UNC5C: variants seen among roughly 807,000 people sequenced by gnomAD.
UNC5C encodes the protein netrin receptor UNC5C.
Under a neutral mutation model 99.8 loss-of-function variants are expected in UNC5C, and 47 were observed. The ratio of observed to expected loss-of-function variants is 0.47; its 90% CI spans 0.37 to 0.60. The LOEUF is 0.60. UNC5C is among the 20% of genes least tolerant of loss of function. UNC5C has a pLI of 0.00. For missense variants in UNC5C, 1,062 were observed against 1,165.9 expected, an observed-to-expected ratio of 0.91 and a Z score of 1.30; for synonymous variants, 487 against 452.2, an observed-to-expected ratio of 1.08 and a Z score of -0.98.
chr4:95,239,493 C>T (rs1579257961), intron 7 of UNC5C, among the ~76,000 whole-genome samples: 1 of 152,072 alleles, frequency 6.6e-6, no homozygotes, highest in Admixed American at 6.6e-5. Context: ...TTCTCTGTGC[C>T]AAAACTGAAA....
chr4:95,442,829 C>T (rs899156635), intron 1 of UNC5C, among the ~76,000 whole-genome samples: 2 of 151,910 alleles, frequency 1.3e-5, no homozygotes, highest in African/African-American at 4.8e-5. Flanking sequence ...CACACACACA[C>T]ACACACATAC....
chr4:95,420,243 A>G (rs1032314888), intron 1 of UNC5C, among the ~76,000 whole-genome samples: 1 of 152,194 alleles, frequency 6.6e-6, no homozygotes, highest in Non-Finnish European at 1.5e-5. Flanking sequence ...CCAAGACAGT[A>G]ACTTTAGGTT....
chr4:95,324,169 G>A (rs947543005), intron 2 of UNC5C, among the ~76,000 whole-genome samples: 4 of 152,224 alleles, frequency 2.6e-5, no homozygotes, highest in Non-Finnish European at 4.4e-5. Flanking sequence ...ATGGCAGGAG[G>A]TGTGCAGCAG....
intron 1 of UNC5C, among the ~76,000 whole-genome samples, chr4:95,537,526 A>T (rs1483734197): frequency 2.0e-5 from 3 of 152,200 alleles, no homozygotes; most frequent in African/African-American, 7.2e-5. Context: ...TGTCCTAGAG[A>T]ATATGTTAGG....
At chr4:95,448,792 C>T (rs545623946) in intron 1 of UNC5C, among the ~76,000 whole-genome samples, 1 of 152,312 alleles carries the variant, frequency 6.6e-6, no homozygotes, top group East Asian at 1.9e-4. Context: ...GATACACTCT[C>T]TTTCGAGATA....
intron 5 of UNC5C, among the ~76,000 whole-genome samples, chr4:95,246,648 A>C (rs766512003): frequency 1.3e-5 from 2 of 151,778 alleles, no homozygotes; most frequent in Non-Finnish European, 2.9e-5. Flanking sequence ...ATATGTATAT[A>C]ATTTTATATA....
chr4:95,175,846 CT>C (rs1736319860), intron 14 of UNC5C, among the ~76,000 whole-genome samples: 1 of 151,844 alleles, frequency 6.6e-6, no homozygotes, highest in Non-Finnish European at 1.5e-5. Flanking sequence ...TGTTTTCCAA[CT>C]TGGTTCCATT....
At chr4:95,467,289 T>C (rs1206496451) in intron 1 of UNC5C, among the ~76,000 whole-genome samples, 3 of 152,162 alleles carry the variant, frequency 2.0e-5, no homozygotes, top group East Asian at 1.9e-4. Context: ...TACGCAGCAA[T>C]AGATAATGAA....
At chr4:95,480,672 G>T (rs570783724) in intron 1 of UNC5C, among the ~76,000 whole-genome samples, 1 of 152,088 alleles carries the variant, frequency 6.6e-6, no homozygotes, top group African/African-American at 2.4e-5. Flanking sequence ...GATCAAGTGG[G>T]CTTCATCCCT....
intron 7 of UNC5C, among the ~76,000 whole-genome samples, chr4:95,235,515 T>G (rs1206653175): frequency 6.6e-6 from 1 of 152,200 alleles, no homozygotes; most frequent in African/African-American, 2.4e-5. Flanking sequence ...ATTTTGGCTT[T>G]TGTTGCCATT....
chr4:95,425,118 C>G (rs750562232), intron 1 of UNC5C, among the ~76,000 whole-genome samples: 9 of 152,056 alleles, frequency 5.9e-5, no homozygotes, highest in Non-Finnish European at 1.3e-4. Flanking sequence ...TGTAAATTGC[C>G]TTTCCCCTCT....
chr4:95,295,672 G>T (rs1741645492), intron 3 of UNC5C, among the ~76,000 whole-genome samples: 1 of 152,176 alleles, frequency 6.6e-6, no homozygotes, highest in Non-Finnish European at 1.5e-5. Flanking sequence ...TTTAAGTTTA[G>T]CATCGTGGTG....
At chr4:95,491,009 G>A (rs966938180) in intron 1 of UNC5C, among the ~76,000 whole-genome samples, 1 of 151,562 alleles carries the variant, frequency 6.6e-6, no homozygotes, top group South Asian at 2.1e-4. Flanking sequence ...ATGGAACAGA[G>A]TAGGCGCTTA....
intron 2 of UNC5C, among the ~76,000 whole-genome samples, chr4:95,311,532 T>C (rs186289599): frequency 6.6e-6 from 1 of 152,202 alleles, no homozygotes; most frequent in Non-Finnish European, 1.5e-5. Flanking sequence ...CATTCATGAG[T>C]AGTTTTAATA....
chr4:95,232,408 G>A lies in UNC5C; in HGVS notation c.1108+10021C>T, dbSNP rs78681523. Among the ~76,000 whole-genome samples the A allele has an allele frequency of 9.3e-4, 142 of 152,184 alleles. 3 individuals are homozygous for A. In the East Asian group the frequency reaches 0.024, roughly 26 times the overall value. On this transcript the variant is annotated intron_variant, in intron 7 of 15. Coordinates refer to ENST00000453304, the MANE Select transcript of UNC5C (RefSeq NM_003728.4). ...CCCCTCCATGGTAGTAAAGACACCT[G>A]ATAGAAAAAGTAAAATGATGAAGAG...
intron 12 of UNC5C, among the ~76,000 whole-genome samples, chr4:95,194,141 GA>G (rs1256821051): frequency 1.3e-5 from 2 of 152,164 alleles, no homozygotes; most frequent in African/African-American, 4.8e-5. Flanking sequence ...GGCAGTTTGT[GA>G]CACTTTTAAA....
At chr4:95,279,361 C>A (rs2149394600) in intron 3 of UNC5C, among the ~76,000 whole-genome samples, 1 of 152,248 alleles carries the variant, frequency 6.6e-6, no homozygotes, top group Admixed American at 6.5e-5. Flanking sequence ...GAGTATGCAG[C>A]TGAGTTTTAC....
At chr4:95,294,165 C>G (rs1741588697) in intron 3 of UNC5C, among the ~76,000 whole-genome samples, 1 of 152,142 alleles carries the variant, frequency 6.6e-6, no homozygotes, top group African/African-American at 2.4e-5. Context: ...TTATCTGTTT[C>G]TTTTTAAATT....
rs1386927000 is a variant in UNC5C at position 95,508,271 on chromosome 4, C to CGTAG, written c.124+40462_124+40463insCTAC. 2.0e-5 allele frequency among the ~76,000 whole-genome samples: 3 copies of CGTAG among 152,120 alleles called. No homozygotes were observed. The East Asian group carries it at 5.8e-4, about 29-fold the overall frequency. On this transcript the variant is annotated intron_variant, in intron 1 of 15. Coordinates refer to ENST00000453304, the MANE Select transcript of UNC5C (RefSeq NM_003728.4). ...TGACATTTTGTTCCGTTATTCTCTA[C>CGTAG]CTACACCAAAGGACTGTTGAGAGAA...
Sources: gnomAD v4.1 joint callset for allele counts (sites outside exome capture counted in the v4.1 genomes callset) on GRCh38, gnomAD v4.1.1 for gene constraint, MANE v1.5 for transcripts, NCBI Gene and HGNC (gene_info 2026-07-23, HGNC 2026-07-21) for gene names.